SLCO1A2: variants seen among roughly 807,000 people sequenced by gnomAD.
The protein encoded by SLCO1A2 is OATP-1.
A neutral mutation model predicts 69.0 loss-of-function variants in SLCO1A2; 67 were observed. That is an observed-to-expected ratio of 0.97 (90% CI 0.80 to 1.19). SLCO1A2 has a LOEUF of 1.19. Among genes scored for constraint, SLCO1A2 ranks in the 50% most tolerant of loss-of-function variants. The probability of loss-of-function intolerance (pLI) is 0.00; values close to 1 mark genes in which losing one functional copy is unlikely to be tolerated. For synonymous variants in SLCO1A2, 260 were observed against 265.9 expected, an observed-to-expected ratio of 0.98 and a Z score of 0.22; for missense variants, 787 against 793.7, an observed-to-expected ratio of 0.99 and a Z score of 0.10.
At chr12:21,348,303 AGT>A (rs1411077211) in intron 2 of SLCO1A2, among the ~76,000 whole-genome samples, 1 of 152,156 alleles carries the variant, frequency 6.6e-6, no homozygotes, top group African/African-American at 2.4e-5. Flanking sequence ...TTTTGACTAT[AGT>A]CACCCTGTTG....
intron 2 of SLCO1A2, among the ~76,000 whole-genome samples, chr12:21,368,663 A>G (rs1266096998): frequency 6.6e-6 from 1 of 152,138 alleles, no homozygotes; most frequent in Non-Finnish European, 1.5e-5. Flanking sequence ...TAAATAATAC[A>G]GTGGGAGGTG....
intron 12 of SLCO1A2, among the ~76,000 whole-genome samples, chr12:21,278,369 T>C (rs1944248382): frequency 6.6e-6 from 1 of 151,878 alleles, no homozygotes; most frequent in Non-Finnish European, 1.5e-5. Context: ...CACTGGATGA[T>C]TGTAGAGTTG....
intron 12 of SLCO1A2, among the ~76,000 whole-genome samples, chr12:21,284,354 C>T (rs547873886): frequency 5.9e-5 from 9 of 152,228 alleles, no homozygotes; most frequent in East Asian, 5.8e-4. Flanking sequence ...TCTGAGGTAC[C>T]GGGTTTATCT....
chr12:21,384,759 G>GC (rs1940781562), intron 1 of SLCO1A2, among the ~76,000 whole-genome samples: 1 of 147,424 alleles, frequency 6.8e-6, no homozygotes, highest in South Asian at 2.2e-4. Context: ...TGTCCACTTA[G>GC]TTTTTTTTTC....
intron 10 of SLCO1A2, chr12:21,295,006 A>C (rs2136343073): frequency 6.6e-6 from 1 of 152,276 alleles, no homozygotes; most frequent in East Asian, 1.9e-4. Flanking sequence ...TACGCCCTAC[A>C]GGTGAATTCT....
chr12:21,295,746 A>G lies in SLCO1A2; in HGVS notation c.1122T>C (p.Gly374=), dbSNP rs918309917. Reference sequence around the variant, plus strand: ...TAATCTTGAACTTCTTCATAATTAAACCACCAATTATATATCCAATACATA... The same window carrying G: ...TAATCTTGAACTTCTTCATAATTAAGCCACCAATTATATATCCAATACATA... ...PPICIGYIIG[G]LIMKKFKITV... Residue 374 remains glycine (G), a synonymous_variant, in exon 10 of 15, where the codon GGT becomes GGC. Transcript: ENST00000683939. 5.0e-6 allele frequency: 8 copies of G among 1,601,252 alleles called. No homozygotes were observed. The highest frequency in any genetic ancestry group is 1.7e-4 in the Middle Eastern group (1 of 6,022).
chr12:21,298,264 T>A (rs1214444791), intron 8 of SLCO1A2, among the ~76,000 whole-genome samples: 1 of 152,174 alleles, frequency 6.6e-6, no homozygotes, highest in Non-Finnish European at 1.5e-5. Context: ...AAATGATTCC[T>A]GTTAGAAAAA....
chr12:21,406,089 T>G (rs1941819234), intron 1 of SLCO1A2, among the ~76,000 whole-genome samples: 1 of 152,298 alleles, frequency 6.6e-6, no homozygotes, highest in African/African-American at 2.4e-5. Context: ...AGAAAGAAAA[T>G]AAGTCAACAA....
At chr12:21,398,518 C>A (rs1941562882), upstream of SLCO1A2, among the ~76,000 whole-genome samples, 1 of 151,410 alleles carries the variant, frequency 6.6e-6, no homozygotes, top group Non-Finnish European at 1.5e-5. Context: ...CTCCCTAACT[C>A]ATTTTATGAG....
chr12:21,360,447 G>C (rs144572429), intron 2 of SLCO1A2, among the ~76,000 whole-genome samples: 2 of 152,286 alleles, frequency 1.3e-5, no homozygotes, highest in South Asian at 2.1e-4. Flanking sequence ...CAAGATGGCC[G>C]AATAGGAACA....
rs1404300756 is a variant in SLCO1A2 at position 21,275,395 on chromosome 12, C to T, written c.1640G>A (p.Gly547Asp). The part of the protein sequence containing the change: ...RCMKSEEKSL[G>D]VGLHTFCTRV... Reference sequence around the variant, plus strand: ...TGTGCAAAATGTATGTAATCCCACACCAAGGGACTTCTCTTCAGATTTCAT... The same window carrying T: ...TGTGCAAAATGTATGTAATCCCACATCAAGGGACTTCTCTTCAGATTTCAT... The change falls in exon 13 of 15, where the codon GGT (glycine) becomes GAT (aspartate). Residue 547 changes from glycine (G) to aspartate (D), a missense_variant. Transcript: ENST00000683939. 4 of 1,531,336 alleles carry T rather than the reference C, an allele frequency of 2.6e-6. No individual in the cohort carries two copies. The highest frequency in any genetic ancestry group is 3.5e-6 in the Non-Finnish European group (4 of 1,131,552). The allele number at this position is 1,531,336 out of a possible 1,614,324, so 94.9% of individuals were successfully genotyped here.
At chr12:21,324,080 T>C (rs1951985698) in intron 2 of SLCO1A2, among the ~76,000 whole-genome samples, 1 of 152,330 alleles carries the variant, frequency 6.6e-6, no homozygotes, top group African/African-American at 2.4e-5. Context: ...CATTAATATT[T>C]TGACAATCAA....
chr12:21,297,693 G>T, intron 8 of SLCO1A2, 125 bp from the exon 9 acceptor site: 1 of 643,000 alleles, frequency 1.6e-6, no homozygotes, highest in Non-Finnish European at 2.5e-6. Context: ...TGTATTGTTT[G>T]CTAATTCTTT....
chr12:21,378,175 C>G, intron 1 of SLCO1A2: 1 of 1,438,908 alleles, frequency 6.9e-7, no homozygotes, highest in Non-Finnish European at 9.8e-7. Flanking sequence ...TTTGATGTCA[C>G]ATGGCTGGAT....
At chr12:21,370,970 C>T (rs765323812) in intron 2 of SLCO1A2, among the ~76,000 whole-genome samples, 5 of 152,140 alleles carry the variant, frequency 3.3e-5, no homozygotes, top group Admixed American at 6.5e-5. Flanking sequence ...ATTGAAGAGG[C>T]GGTGTTACAG....
chr12:21,400,807 C>G lies in SLCO1A2; in HGVS notation c.-312+17075G>C, dbSNP rs570366858. 2.8e-5 allele frequency among the ~76,000 whole-genome samples: 4 copies of G among 144,414 alleles called. No homozygotes were observed. In the East Asian group the frequency reaches 8.3e-4, roughly 30 times the overall value. The allele number at this position is 144,414 out of a possible 152,430, so 94.7% of individuals were successfully genotyped here. On this transcript the variant is annotated intron_variant, in intron 1 of 4. Transcript: ENST00000413682. ...AAACCAAACACCGTATATTCTCACT[C>G]ATAGGTGGGAATTGAACAATGAGAT...
intron 12 of SLCO1A2, among the ~76,000 whole-genome samples, chr12:21,277,658 A>G (rs1268134422): frequency 6.6e-6 from 1 of 152,082 alleles, no homozygotes; most frequent in Non-Finnish European, 1.5e-5. Flanking sequence ...GGAGTTGGGG[A>G]TGATTTTGGA....
intron 1 of SLCO1A2, chr12:21,378,161 G>GC (rs1237630047): frequency 2.3e-6 from 3 of 1,314,436 alleles, no homozygotes; most frequent in Non-Finnish European, 3.3e-6. Flanking sequence ...ATCAATACAA[G>GC]ATATTTGATG....
At chr12:21,303,644 A>T (rs1183883691) in intron 6 of SLCO1A2, among the ~76,000 whole-genome samples, 2 of 152,228 alleles carry the variant, frequency 1.3e-5, no homozygotes, top group Non-Finnish European at 2.9e-5. Flanking sequence ...AGTCGTGCAT[A>T]ATAAATTAAG....
Sources: gnomAD v4.1 joint callset for allele counts (sites outside exome capture counted in the v4.1 genomes callset) on GRCh38, gnomAD v4.1.1 for gene constraint, MANE v1.5 for transcripts, NCBI Gene and HGNC (gene_info 2026-07-23, HGNC 2026-07-21) for gene names.